Variants in KLK11 observed in about 807,000 individuals in gnomAD.
The protein encoded by KLK11 is kallikrein-11.
Under a neutral mutation model 23.4 loss-of-function variants are expected in KLK11, and 10 were observed. The observed-to-expected ratio is 0.43, with a 90% confidence interval of 0.26 to 0.73. The LOEUF (loss-of-function observed/expected upper bound fraction) is 0.73. KLK11 is among the 30% of genes least tolerant of loss of function. KLK11 has a pLI of 0.22. For synonymous variants in KLK11, 131 were observed against 131.7 expected, an observed-to-expected ratio of 0.99 and a Z score of 0.03; for missense variants, 285 against 327.8, an observed-to-expected ratio of 0.87 and a Z score of 1.01.
chr19:51,023,839 A>AT, intron 4 of KLK11: 1 of 480,596 alleles, frequency 2.1e-6, no homozygotes, highest in Non-Finnish European at 3.6e-6. Context: ...CCAGGAGGTT[A>AT]TGGATGTATG....
In KLK11 at chr19:51,022,518, T is replaced by G. The variant is rs2091415556; in HGVS notation, c.*27A>C. On this transcript the variant is annotated 3_prime_UTR_variant, in exon 6 of 6. Transcript: ENST00000453757. ...CCAAACACCAAGTGGAAATGGAGGG[T>G]GATGGGCTGTGGTGGGTGGGTCCAG... 1 of 1,613,546 alleles carries G rather than the reference T, an allele frequency of 6.2e-7. No homozygotes were observed. The highest frequency in any genetic ancestry group is 1.1e-5 in the South Asian group (1 of 91,030).
chr19:51,025,873 GC>G lies in KLK11; in HGVS notation c.-35-208del, dbSNP rs1425695705. On this transcript the variant is annotated intron_variant, in intron 1 of 5. Coordinates refer to ENST00000453757, the MANE Select transcript of KLK11 (RefSeq NM_001136032.3). The surrounding 1 kb of genome is among the most constrained non-coding windows in gnomAD (Gnocchi z 6.2). ...GGTGTCTAGGGTGGCCTTGGAGAGG[GC>G]CTGGTCACAGCTAGAAGCTTCCGAG... The G allele has an allele frequency of 4.7e-6, 2 of 422,740 alleles. No homozygotes were observed. The highest frequency in any genetic ancestry group is 8.4e-6 in the Non-Finnish European group (2 of 237,980). 26.2% of individuals were successfully genotyped at this position (422,740 alleles called of 1,614,324 possible). A position where few individuals can be genotyped will look rare whatever the true frequency, so the allele number is the denominator to read the frequency against.
At chr19:51,027,175 A>C (rs1342027791), upstream of KLK11, 1 of 400,818 alleles carries the variant, frequency 2.5e-6, no homozygotes, top group African/African-American at 2.1e-5. Flanking sequence ...GCCCCAGCCC[A>C]GGTGGGCCCC....
chr19:51,025,010 C>T lies in KLK11; in HGVS notation c.41-216G>A, dbSNP rs1049758680. Among the ~76,000 whole-genome samples, 10 of 152,152 alleles carry T rather than the reference C, an allele frequency of 6.6e-5. No homozygotes were observed. Among genetic ancestry groups the T allele is most frequent in the African/African-American group, 1.9e-4 (8 of 41,430 alleles). ...CAGTGGCTCATGCCTGTAATCCCAG[C>T]ACTTTGAGAGGCTAAGGTGGGAGGA... On this transcript the variant is annotated intron_variant, in intron 2 of 5. Coordinates refer to ENST00000453757, the MANE Select transcript of KLK11 (RefSeq NM_001136032.3). The surrounding 1 kb of genome is among the most constrained non-coding windows in gnomAD (Gnocchi z 6.2).
chr19:51,023,384 C>CTTTTTTT (rs780238378), intron 4 of KLK11, 156 bp from the exon 5 acceptor site: 1 of 483,256 alleles, frequency 2.1e-6, no homozygotes, highest in Admixed American at 4.1e-5. Context: ...TGCTATCCAG[C>CTTTTTTT]TTTTTTTTTT....
In KLK11 at chr19:51,022,702, G is replaced by A. The variant is rs2091419438; in HGVS notation, c.601-5C>T. On this transcript the variant is annotated splice_polypyrimidine_tract_variant and splice_region_variant and intron_variant, in intron 5 of 5. Transcript: ENST00000453757. ...CAGAGGGCCCCCGGAGTCACCCTGG[G>A]CACGGGGAGAGAGAATGTCGGTCAG... is the stretch of plus-strand genomic sequence containing the variant. 6.2e-7 allele frequency: 1 copy of A among 1,612,618 alleles called. No individual in the cohort carries two copies. The highest frequency in any genetic ancestry group is 1.3e-5 in the African/African-American group (1 of 74,868).
upstream of KLK11, chr19:51,027,616 G>A: frequency 1.4e-6 from 2 of 1,456,658 alleles, no homozygotes; most frequent in South Asian, 2.3e-5. Flanking sequence ...CTGACCAGGT[G>A]TGGAGCAAGG....
chr19:51,024,600 G>A lies in KLK11; in HGVS notation c.197+38C>T. 7.1e-7 allele frequency: 1 copy of A among 1,415,782 alleles called. No individual in the cohort carries two copies. Among genetic ancestry groups the A allele is most frequent in the Non-Finnish European group, 9.4e-7 (1 of 1,064,562 alleles). 87.7% of individuals were successfully genotyped at this position (1,415,782 alleles called of 1,614,324 possible). ...CTCTCCATCCATCTCCCCATTCCCA[G>A]CCCCCCACCCCGGCACCGCCCCAGC... On this transcript the variant is annotated intron_variant, in intron 3 of 5. Coordinates refer to ENST00000453757, the MANE Select transcript of KLK11 (RefSeq NM_001136032.3). The surrounding 1 kb of genome is among the most constrained non-coding windows in gnomAD (Gnocchi z 6.2).
At chr19:51,022,758 A>C (rs1600148667) in intron 5 of KLK11, 61 bp from the exon 6 acceptor site, 2 of 1,592,178 alleles carry the variant, frequency 1.3e-6, no homozygotes, top group Non-Finnish European at 1.7e-6. Context: ...TTAGCCAGGG[A>C]GGAGGTGGGG....
At position 51,025,730 on chromosome 19, in the gene KLK11, C is replaced by T. The variant is rs557509545; in HGVS notation, c.-35-64G>A. 29 of 651,088 alleles carry T rather than the reference C, an allele frequency of 4.5e-5. No individual in the cohort carries two copies. The highest frequency in any genetic ancestry group is 6.4e-5 in the Non-Finnish European group (24 of 374,094). 40.3% of individuals were successfully genotyped at this position (651,088 alleles called of 1,614,324 possible). A position where few individuals can be genotyped will look rare whatever the true frequency, so the allele number is the denominator to read the frequency against. On this transcript the variant is annotated intron_variant, in intron 1 of 5. Transcript: ENST00000453757. This position sits in a 1 kb window ranked among gnomAD's most constrained non-coding sequence, Gnocchi z 6.2. ...GGGGAAATCGGGAGGGGGGGGCTGGCTCATGCCCTCTCCTCTCTCCCTCAC... is the reference window on the plus strand; with the variant it reads ...GGGGAAATCGGGAGGGGGGGGCTGGTTCATGCCCTCTCCTCTCTCCCTCAC...
Position 51,024,610 on chromosome 19 carries a change from C to T in KLK11, c.197+28G>A. ...ATCTCCCCATTCCCAGCCCCCCACCCCGGCACCGCCCCAGCCCCCGCACCC... is the reference window on the plus strand; with the variant it reads ...ATCTCCCCATTCCCAGCCCCCCACCTCGGCACCGCCCCAGCCCCCGCACCC... On this transcript the variant is annotated intron_variant, in intron 3 of 5. Coordinates refer to ENST00000453757, the MANE Select transcript of KLK11 (RefSeq NM_001136032.3). The surrounding 1 kb of genome is among the most constrained non-coding windows in gnomAD (Gnocchi z 6.2). 1 of 1,483,132 alleles carries T rather than the reference C, an allele frequency of 6.7e-7. No individual in the cohort carries two copies. Among genetic ancestry groups the T allele is most frequent in the Non-Finnish European group, 9.0e-7 (1 of 1,114,796 alleles). The allele number at this position is 1,483,132 out of a possible 1,614,324, so 91.9% of individuals were successfully genotyped here.
At chr19:51,023,349 C>A in intron 4 of KLK11, 121 bp from the exon 5 acceptor site, 15 of 1,042,164 alleles carry the variant, frequency 1.4e-5, no homozygotes, top group Non-Finnish European at 1.6e-5. Flanking sequence ...ACTCACCTCT[C>A]TTCTTGTAAC....
At position 51,022,295 on chromosome 19, in the gene KLK11, G is replaced by C; in HGVS notation, c.*250C>G. Reference sequence around the variant, plus strand: ...TGGCCAGGAGCTGTCTTTGGGGCTGGGGATACAACAGAGAACAAACCAGGT... The same window carrying C: ...TGGCCAGGAGCTGTCTTTGGGGCTGCGGATACAACAGAGAACAAACCAGGT... On this transcript the variant is annotated 3_prime_UTR_variant, in exon 6 of 6. Transcript: ENST00000453757. 1 of 535,074 alleles carries C rather than the reference G, an allele frequency of 1.9e-6. No homozygotes were observed. The allele number at this position is 535,074 out of a possible 1,614,324, so 33.1% of individuals were successfully genotyped here.
intron 4 of KLK11, 51 bp downstream of exon 4, chr19:51,023,994 G>T: frequency 1.4e-6 from 2 of 1,401,268 alleles, no homozygotes; most frequent in South Asian, 3.0e-5. Flanking sequence ...CCACAATCCT[G>T]ACCACTCCCT....
intron 4 of KLK11, 62 bp downstream of exon 4, chr19:51,023,983 T>G: frequency 7.5e-7 from 1 of 1,334,416 alleles, no homozygotes; most frequent in Non-Finnish European, 1.0e-6. Context: ...CCTGAACCCT[T>G]CCACAATCCT....
chr19:51,027,502 A>G, upstream of KLK11: 2 of 1,613,924 alleles, frequency 1.2e-6, no homozygotes, highest in Non-Finnish European at 1.7e-6. Flanking sequence ...TCCCGCAGCC[A>G]CCTCAACCTC....
At chr19:51,027,710 A>C, upstream of KLK11, 4 of 574,936 alleles carry the variant, frequency 7.0e-6, no homozygotes, top group Non-Finnish European at 6.2e-6. Flanking sequence ...GACTACCCTT[A>C]TGACGTGGGG....
At chr19:51,022,775 C>T (rs1174893392) in intron 5 of KLK11, 78 bp from the exon 6 acceptor site, 2 of 1,524,556 alleles carry the variant, frequency 1.3e-6, no homozygotes, top group Admixed American at 1.7e-5. Flanking sequence ...GGGGACGGTG[C>T]TTAGGAGTGG....
rs2091458917 is a variant in KLK11 at position 51,024,823 on chromosome 19, C to T, written c.41-29G>A. On this transcript the variant is annotated intron_variant, in intron 2 of 5. Coordinates refer to ENST00000453757, the MANE Select transcript of KLK11 (RefSeq NM_001136032.3). The surrounding 1 kb of genome is among the most constrained non-coding windows in gnomAD (Gnocchi z 6.2). ...GAGGGGGTGAGAGCAAAAGAAGGGG[C>T]TCAGGAAGGAGAGGTGGTAGACCAG... 1 of 1,529,374 alleles carries T rather than the reference C, an allele frequency of 6.5e-7. No individual in the cohort carries two copies. The highest frequency in any genetic ancestry group is 2.5e-5 in the East Asian group (1 of 40,158). 94.7% of individuals were successfully genotyped at this position (1,529,374 alleles called of 1,614,324 possible). A position where few individuals can be genotyped will look rare whatever the true frequency, so the allele number is the denominator to read the frequency against.
Sources: gnomAD v4.1 joint callset for allele counts (sites outside exome capture counted in the v4.1 genomes callset) on GRCh38, gnomAD v4.1.1 for gene constraint, Gnocchi (gnomAD v3.1) non-coding constraint, MANE v1.5 for transcripts, NCBI Gene and HGNC (gene_info 2026-07-23, HGNC 2026-07-21) for gene names.